The following LINGO1 variants were observed in gnomAD, a reference collection of about 807,000 sequenced individuals.
The protein encoded by LINGO1 is leucine-rich repeat and immunoglobulin-like domain-containing nogo receptor-interacting protein 1.
Under a neutral mutation model 37.3 loss-of-function variants are expected in LINGO1, and 11 were observed. The ratio of observed to expected loss-of-function variants is 0.29; its 90% CI spans 0.19 to 0.49. The LOEUF is 0.49. Among genes scored for constraint, LINGO1 ranks in the 20% least tolerant of loss-of-function variants. LINGO1 has a pLI of 0.99. For missense variants in LINGO1, 585 were observed against 878.2 expected (o/e 0.67, Z 4.22); for synonymous variants, 387 against 403.0 (o/e 0.96, Z 0.48).
intron 2 of LINGO1, among the ~76,000 whole-genome samples, chr15:77,680,021 T>C (rs1203786279): frequency 6.6e-6 from 1 of 152,256 alleles, no homozygotes; most frequent in Non-Finnish European, 1.5e-5. Context: ...TTAGAGTTAG[T>C]TGGGCCATAT....
intron 2 of LINGO1, among the ~76,000 whole-genome samples, chr15:77,683,330 G>A (rs541700070): frequency 6.6e-6 from 1 of 152,286 alleles, no homozygotes; most frequent in South Asian, 2.1e-4. Flanking sequence ...AACTGAGCAA[G>A]CAGACCCTTC....
chr15:77,802,650 C>A (rs897337257), intron 1 of LINGO1, among the ~76,000 whole-genome samples: 12 of 152,114 alleles, frequency 7.9e-5, no homozygotes, highest in African/African-American at 2.9e-4. Context: ...CGTGTTCCAC[C>A]TGCCTCCAGG....
intron 1 of LINGO1, among the ~76,000 whole-genome samples, chr15:77,805,009 G>A (rs976282804): frequency 6.6e-6 from 1 of 152,180 alleles, no homozygotes; most frequent in South Asian, 2.1e-4. Flanking sequence ...CCCCTCCAGG[G>A]GCCTCCCTCG....
At chr15:77,773,877 C>A (rs1297678534) in intron 1 of LINGO1, among the ~76,000 whole-genome samples, 1 of 152,122 alleles carries the variant, frequency 6.6e-6, no homozygotes, top group Non-Finnish European at 1.5e-5. Flanking sequence ...CCCCCACTCT[C>A]TCCCTTAAGT....
intron 1 of LINGO1, among the ~76,000 whole-genome samples, chr15:77,771,901 T>C (rs2076589526): frequency 6.6e-6 from 1 of 152,182 alleles, no homozygotes; most frequent in Non-Finnish European, 1.5e-5. Flanking sequence ...CTGCCCTCAA[T>C]GGCCCTGAGT....
chr15:77,642,894 C>A (rs1437707379), intron 3 of LINGO1, among the ~76,000 whole-genome samples: 1 of 152,254 alleles, frequency 6.6e-6, no homozygotes, highest in Admixed American at 6.5e-5. Context: ...GTCTATCCCG[C>A]TGAGGCCTCT....
At chr15:77,767,226 G>A (rs2076539193) in intron 1 of LINGO1, among the ~76,000 whole-genome samples, 3 of 152,172 alleles carry the variant, frequency 2.0e-5, no homozygotes, top group Admixed American at 2.0e-4. Context: ...CCAGTAGCTT[G>A]CAAAGAATCA....
chr15:77,614,956 C>G lies in LINGO1; in HGVS notation c.951G>C (p.Gln317His), dbSNP rs1252290371. Residue 317 changes from glutamine to histidine, a missense_variant, in exon 2 of 2, where the codon CAG becomes CAC. Coordinates refer to ENST00000355300, the MANE Select transcript of LINGO1 (RefSeq NM_032808.7). ...LHELLRLQEI[Q>H]LVGGQLAVVE... Reference sequence around the variant, plus strand: ...CCACGGCCAGCTGCCCGCCCACCAGCTGGATCTCCTGCAGCCGGAGCAGCT... The same window carrying G: ...CCACGGCCAGCTGCCCGCCCACCAGGTGGATCTCCTGCAGCCGGAGCAGCT... 6.2e-7 allele frequency: 1 copy of G among 1,613,858 alleles called. No individual in the cohort carries two copies. The highest frequency in any genetic ancestry group is 8.5e-7 in the Non-Finnish European group (1 of 1,179,892).
rs73455727 is a variant in LINGO1 at position 77,758,598 on chromosome 15, G to A, written c.-256-23545C>T. Among the ~76,000 whole-genome samples, 419 of 152,256 alleles carry A rather than the reference G, an allele frequency of 2.8e-3. 2 individuals carry two copies. The highest frequency in any genetic ancestry group is 9.7e-3 in the African/African-American group (401 of 41,534). ...TGGGCCAGGAGGACAGCCAAGCCTC[G>A]TATTCTTGATGAGCACATTCTCTGG... On this transcript the variant is annotated intron_variant, in intron 1 of 3. Transcript: ENST00000561686.
At chr15:77,775,300 A>G (rs2076626055) in intron 1 of LINGO1, among the ~76,000 whole-genome samples, 1 of 152,136 alleles carries the variant, frequency 6.6e-6, no homozygotes, top group Admixed American at 6.5e-5. Flanking sequence ...GCTCTGCCCT[A>G]CAGCAGTGGG....
intron 1 of LINGO1, among the ~76,000 whole-genome samples, chr15:77,767,175 A>C (rs1006058963): frequency 6.6e-6 from 1 of 152,228 alleles, no homozygotes; most frequent in African/African-American, 2.4e-5. Flanking sequence ...GAACACAGGG[A>C]GAAAGAGAAG....
chr15:77,773,945 C>T (rs535169875), intron 1 of LINGO1, among the ~76,000 whole-genome samples: 1 of 152,214 alleles, frequency 6.6e-6, no homozygotes, highest in African/African-American at 2.4e-5. Context: ...TCTCCTCAGT[C>T]CCACACCACC....
intron 2 of LINGO1, among the ~76,000 whole-genome samples, chr15:77,690,188 G>C (rs942304124): frequency 2.0e-5 from 3 of 152,162 alleles, no homozygotes; most frequent in Non-Finnish European, 4.4e-5. Flanking sequence ...TAACATGGTT[G>C]GGGAAGGACA....
intron 1 of LINGO1, among the ~76,000 whole-genome samples, chr15:77,801,714 C>A (rs537819541): frequency 1.6e-4 from 25 of 152,134 alleles, no homozygotes; most frequent in Non-Finnish European, 3.2e-4. Flanking sequence ...CCCAGCCCCA[C>A]CCTCGTATCC....
At chr15:77,703,950 C>A (rs960017186) in intron 2 of LINGO1, among the ~76,000 whole-genome samples, 1 of 152,166 alleles carries the variant, frequency 6.6e-6, no homozygotes, top group African/African-American at 2.4e-5. Context: ...CCAAAGGTCC[C>A]TCTACCCCAG....
chr15:77,765,458 C>T (rs1359216442), intron 1 of LINGO1, among the ~76,000 whole-genome samples: 2 of 151,952 alleles, frequency 1.3e-5, no homozygotes, highest in East Asian at 1.9e-4. Context: ...AGTCCTAAGC[C>T]CCTCTCCTAT....
intron 1 of LINGO1, among the ~76,000 whole-genome samples, chr15:77,760,097 A>G (rs2076459910): frequency 6.6e-6 from 1 of 152,216 alleles, no homozygotes; most frequent in Non-Finnish European, 1.5e-5. Context: ...CAGCGCGGCA[A>G]TGACTCATGC....
At position 77,614,029 on chromosome 15, in the gene LINGO1, C is replaced by G; in HGVS notation, c.*15G>C. On this transcript the variant is annotated 3_prime_UTR_variant, in exon 2 of 2. Coordinates refer to ENST00000355300, the MANE Select transcript of LINGO1 (RefSeq NM_032808.7). ...CTGCCCGGCCGCCCGGGGGTCCCTGCCCCCCGCCCCGGCCTCATATCATCT... is the reference window on the plus strand; with the variant it reads ...CTGCCCGGCCGCCCGGGGGTCCCTGGCCCCCGCCCCGGCCTCATATCATCT... 1 of 1,548,624 alleles carries G rather than the reference C, an allele frequency of 6.5e-7. No homozygotes were observed. Among genetic ancestry groups the G allele is most frequent in the Non-Finnish European group, 8.7e-7 (1 of 1,144,750 alleles).
chr15:77,649,605 C>T (rs926377010), intron 3 of LINGO1, among the ~76,000 whole-genome samples: 13 of 152,114 alleles, frequency 8.5e-5, no homozygotes, highest in African/African-American at 3.1e-4. Flanking sequence ...GGGTAGGGCA[C>T]TCTGGCTTCT....
Sources: allele counts gnomAD v4.1 joint callset (sites outside exome capture counted in the v4.1 genomes callset), GRCh38; gene constraint gnomAD v4.1.1; transcripts MANE v1.5; gene names NCBI Gene and HGNC (gene_info 2026-07-23, HGNC 2026-07-21).